Variants in ENTREP2 observed in about 807,000 individuals in gnomAD.
The protein encoded by ENTREP2 is protein ENTREP2.
the ENTREP2 span, among the ~76,000 whole-genome samples, chr15:29,291,716 T>C: frequency 6.6e-6 from 1 of 152,242 alleles, no homozygotes; most frequent in South Asian, 2.1e-4. Flanking sequence ...GAATCTTTTT[T>C]CTTTTATTCT....
the ENTREP2 span, among the ~76,000 whole-genome samples, chr15:29,338,611 G>A: frequency 6.6e-5 from 10 of 151,784 alleles, no homozygotes; most frequent in Non-Finnish European, 1.3e-4. Flanking sequence ...GTGTCTGGAA[G>A]AGCTCCTCGG....
the ENTREP2 span, among the ~76,000 whole-genome samples, chr15:29,481,075 C>T: frequency 6.6e-6 from 1 of 152,136 alleles, no homozygotes; most frequent in African/African-American, 2.4e-5. Context: ...TCCATGGCAC[C>T]AAAGGATGCT....
At chr15:29,425,328 C>T in the ENTREP2 span, among the ~76,000 whole-genome samples, 19 of 152,110 alleles carry the variant, frequency 1.2e-4, no homozygotes, top group Non-Finnish European at 1.2e-4. Flanking sequence ...TGAGCCACCA[C>T]GCCTGGCTTT....
the ENTREP2 span, among the ~76,000 whole-genome samples, chr15:29,521,786 G>T: frequency 6.6e-6 from 1 of 152,144 alleles, no homozygotes; most frequent in Non-Finnish European, 1.5e-5. Flanking sequence ...ATTGACACTA[G>T]TTGGCACTGT....
chr15:29,421,896 A>C, the ENTREP2 span, among the ~76,000 whole-genome samples: 1 of 152,200 alleles, frequency 6.6e-6, no homozygotes, highest in Admixed American at 6.5e-5. Flanking sequence ...TGAGTAACGG[A>C]CTCTAAGTCC....
At chr15:29,239,208 C>G in the ENTREP2 span, among the ~76,000 whole-genome samples, 2 of 152,042 alleles carry the variant, frequency 1.3e-5, no homozygotes, top group Admixed American at 6.6e-5. Context: ...TTACAAAAAC[C>G]AAGCTCATCA....
At chr15:29,505,947 G>A in the ENTREP2 span, among the ~76,000 whole-genome samples, 1 of 152,008 alleles carries the variant, frequency 6.6e-6, no homozygotes, top group Non-Finnish European at 1.5e-5. This position sits in a 1 kb window ranked among gnomAD's most constrained non-coding sequence, Gnocchi z 4.3. Flanking sequence ...CAGAAAATGG[G>A]TAATAACAAA....
the ENTREP2 span, among the ~76,000 whole-genome samples, chr15:29,231,928 C>T: frequency 7.2e-6 from 1 of 138,914 alleles, no homozygotes; most frequent in Non-Finnish European, 1.5e-5. Flanking sequence ...TCTCACTCTG[C>T]TGCCCAGGCC....
the ENTREP2 span, among the ~76,000 whole-genome samples, chr15:29,165,703 A>G: frequency 3.3e-5 from 5 of 152,194 alleles, no homozygotes; most frequent in African/African-American, 7.2e-5. Flanking sequence ...TACCAACAAC[A>G]AAAAATGTCC....
chr15:29,254,082 C>G, the ENTREP2 span, among the ~76,000 whole-genome samples: 1 of 137,384 alleles, frequency 7.3e-6, no homozygotes, highest in South Asian at 2.4e-4. Flanking sequence ...GAAGAAAGAC[C>G]CTTTTTGTGA....
chr15:29,471,909 A>T, the ENTREP2 span, among the ~76,000 whole-genome samples: 1 of 152,212 alleles, frequency 6.6e-6, no homozygotes. Flanking sequence ...CAGAACCTGC[A>T]GTCCACATGC....
the ENTREP2 span, among the ~76,000 whole-genome samples, chr15:29,349,924 AAT>A: frequency 1.3e-5 from 2 of 152,092 alleles, no homozygotes; most frequent in East Asian, 3.9e-4. Flanking sequence ...AAATAAAAAT[AAT>A]AATTAATTGA....
chr15:29,381,559 A>G, the ENTREP2 span, among the ~76,000 whole-genome samples: 1 of 151,896 alleles, frequency 6.6e-6, no homozygotes, highest in South Asian at 2.1e-4. Flanking sequence ...GGAGCATCTC[A>G]GCAAGACACT....
chr15:29,151,844 G>A, the ENTREP2 span: 1 of 1,549,300 alleles, frequency 6.5e-7, no homozygotes. Context: ...AGGAGATCCT[G>A]CGAGGAAAGG....
chr15:29,465,834 C>T, the ENTREP2 span, among the ~76,000 whole-genome samples: 5 of 152,180 alleles, frequency 3.3e-5, no homozygotes, highest in Admixed American at 2.6e-4. Context: ...AATACCTGAC[C>T]GACTTCTTCT....
At chr15:29,180,308 G>T in the ENTREP2 span, among the ~76,000 whole-genome samples, 1 of 152,150 alleles carries the variant, frequency 6.6e-6, no homozygotes, top group Non-Finnish European at 1.5e-5. Flanking sequence ...TAACACCAAA[G>T]ACTTGTTATT....
the ENTREP2 span, among the ~76,000 whole-genome samples, chr15:29,585,461 C>T: frequency 1.3e-5 from 2 of 152,312 alleles, no homozygotes; most frequent in East Asian, 1.9e-4. Flanking sequence ...CCTCTTCACA[C>T]ACACATGAAA....
the ENTREP2 span, among the ~76,000 whole-genome samples, chr15:29,553,600 A>C: frequency 6.6e-6 from 1 of 152,150 alleles, no homozygotes; most frequent in Non-Finnish European, 1.5e-5. Flanking sequence ...AGTACAGAGG[A>C]AATGGCCCCA....
chr15:29,630,503 C>T, the ENTREP2 span, among the ~76,000 whole-genome samples: 2 of 152,062 alleles, frequency 1.3e-5, no homozygotes, highest in African/African-American at 4.8e-5. Context: ...CTTTTTGAAT[C>T]TAAGTTTATG....
Sources: gnomAD v4.1 joint callset for allele counts (sites outside exome capture counted in the v4.1 genomes callset) on GRCh38, gnomAD v4.1.1 for gene constraint, Gnocchi (gnomAD v3.1) non-coding constraint, MANE v1.5 for transcripts, NCBI Gene and HGNC (gene_info 2026-07-23, HGNC 2026-07-21) for gene names.